Variants in PRKN observed in about 807,000 individuals in gnomAD.
PRKN encodes the protein E3 ubiquitin-protein ligase parkin.
In PRKN, 56 loss-of-function variants were observed where a neutral mutation model predicts 59.5. The ratio of observed to expected loss-of-function variants is 0.94; its 90% confidence interval spans 0.76 to 1.18. PRKN has a LOEUF of 1.18. Among genes scored for constraint, PRKN ranks in the 50% most tolerant of loss-of-function variants. The pLI, the probability that PRKN is intolerant of heterozygous loss-of-function variation, is 0.00. For synonymous variants in PRKN, 250 were observed against 222.1 expected (o/e 1.13, Z -1.12); for missense variants, 657 against 596.4 (o/e 1.10, Z -1.06).
chr6:162,163,044 G>C (rs1246407916), intron 4 of PRKN, among the ~76,000 whole-genome samples: 1 of 148,864 alleles, frequency 6.7e-6, no homozygotes, highest in Non-Finnish European at 1.5e-5. Context: ...ATTTCTCATA[G>C]GACTACAGTT....
intron 1 of PRKN, among the ~76,000 whole-genome samples, chr6:162,608,553 C>G (rs866596987): frequency 6.6e-6 from 1 of 152,066 alleles, no homozygotes; most frequent in Admixed American, 6.6e-5. Context: ...ATGACATAAA[C>G]CTCAAATGAT....
chr6:162,169,734 C>T (rs1410579538), intron 4 of PRKN, among the ~76,000 whole-genome samples: 7 of 152,184 alleles, frequency 4.6e-5, no homozygotes, highest in Non-Finnish European at 1.0e-4. Context: ...GTTAAAACTG[C>T]GTTACAGCTG....
chr6:162,375,932 C>T (rs1786047988), intron 2 of PRKN, among the ~76,000 whole-genome samples: 1 of 152,056 alleles, frequency 6.6e-6, no homozygotes. Flanking sequence ...CTGTCTGTGC[C>T]CTGTGCATCT....
At position 161,544,101 on chromosome 6, in the gene PRKN, A is replaced by G. The variant is rs1385712636; in HGVS notation, c.1083+4753T>C. Among the ~76,000 whole-genome samples the G allele has an allele frequency of 6.6e-6, 1 of 152,208 alleles. No individual in the cohort carries two copies. On this transcript the variant is annotated intron_variant, in intron 9 of 11. Transcript: ENST00000366898. The surrounding 1 kb of genome is among the most constrained non-coding windows in gnomAD (Gnocchi z 5.5). ...ATACATTCTCTGCTGCGTTCTATCT[A>G]TGTAAAAATATTCTGTGCTGAGTCA...
intron 4 of PRKN, among the ~76,000 whole-genome samples, chr6:162,092,121 G>A (rs1248410984): frequency 1.3e-5 from 2 of 152,140 alleles, no homozygotes; most frequent in African/African-American, 4.8e-5. Context: ...TTGGGAGGCA[G>A]AGGCGGGCAG....
At chr6:162,720,528 G>A (rs1485154308) in intron 1 of PRKN, among the ~76,000 whole-genome samples, 1 of 146,302 alleles carries the variant, frequency 6.8e-6, no homozygotes, top group African/African-American at 2.6e-5. Flanking sequence ...TCGGCTCACT[G>A]CAAGCTCCGC....
intron 7 of PRKN, among the ~76,000 whole-genome samples, chr6:161,716,673 A>G (rs918004015): frequency 2.3e-4 from 35 of 152,238 alleles, no homozygotes; most frequent in African/African-American, 8.0e-4. Flanking sequence ...TTGGGCAGAC[A>G]AGGCTTGAGA....
intron 1 of PRKN, among the ~76,000 whole-genome samples, chr6:162,726,944 A>T (rs1480094194): frequency 6.6e-6 from 1 of 152,170 alleles, no homozygotes; most frequent in Non-Finnish European, 1.5e-5. Flanking sequence ...GTGTTCATGA[A>T]CAACTCTGAT....
chr6:162,727,310 G>A (rs1249074873), intron 1 of PRKN: 3 of 369,950 alleles, frequency 8.1e-6, no homozygotes, highest in Admixed American at 4.9e-5. Context: ...GCGGCGGCGG[G>A]GCGAAGGTGA....
Position 161,988,978 on chromosome 6 carries a change from G to C in PRKN, c.619-15561C>G, listed in dbSNP as rs79155733. Among the ~76,000 whole-genome samples the C allele has an allele frequency of 7.3e-3, 1,112 of 152,130 alleles. 16 individuals are homozygous for C. Among genetic ancestry groups the C allele is most frequent in the African/African-American group, 0.025 (1,054 of 41,492 alleles). ...TTATACTTTAAGTTTTAGGGTACAA[G>C]CGCACAACGTGCAGGTTAGTTACAT... On this transcript the variant is annotated intron_variant, in intron 5 of 11. Coordinates refer to ENST00000366898, the MANE Select transcript of PRKN (RefSeq NM_004562.3).
intron 6 of PRKN, among the ~76,000 whole-genome samples, chr6:161,851,839 C>T (rs1196530970): frequency 6.6e-6 from 1 of 151,620 alleles, no homozygotes; most frequent in Non-Finnish European, 1.5e-5. Flanking sequence ...GTAATCCCAG[C>T]ACTTTTGGAG....
intron 2 of PRKN, among the ~76,000 whole-genome samples, chr6:162,270,551 T>G (rs552430951): frequency 6.6e-6 from 1 of 152,336 alleles, no homozygotes; most frequent in African/African-American, 2.4e-5. Context: ...CTTTCTAATG[T>G]GTAATAACTT....
intron 7 of PRKN, among the ~76,000 whole-genome samples, chr6:161,699,676 T>C (rs1385513903): frequency 2.0e-5 from 3 of 152,120 alleles, no homozygotes; most frequent in Non-Finnish European, 2.9e-5. Context: ...GTAATCTGCA[T>C]TGACAACAAG....
intron 7 of PRKN, among the ~76,000 whole-genome samples, chr6:161,761,576 A>G (rs1178527146): frequency 6.6e-6 from 1 of 152,248 alleles, no homozygotes; most frequent in Non-Finnish European, 1.5e-5. Flanking sequence ...ATAAAAATAC[A>G]GAACTGTAAG....
Position 161,475,316 on chromosome 6 carries a change from G to T in PRKN, c.1083+73538C>A, listed in dbSNP as rs1334867495. Among the ~76,000 whole-genome samples, 1 of 152,166 alleles carries T rather than the reference G, an allele frequency of 6.6e-6. No individual in the cohort carries two copies. The highest frequency in any genetic ancestry group is 1.9e-4 in the East Asian group (1 of 5,190). On this transcript the variant is annotated intron_variant, in intron 9 of 11. Transcript: ENST00000366898. The surrounding 1 kb of genome is among the most constrained non-coding windows in gnomAD (Gnocchi z 5.3). ...CACTGGTGACCCAGACATTCACGTTGCTTTCCAGTATTCCCATTTGCGATT... is the reference window on the plus strand; with the variant it reads ...CACTGGTGACCCAGACATTCACGTTTCTTTCCAGTATTCCCATTTGCGATT...
intron 7 of PRKN, among the ~76,000 whole-genome samples, chr6:161,716,536 G>C (rs955876722): frequency 2.6e-4 from 40 of 152,114 alleles, no homozygotes; most frequent in African/African-American, 9.4e-4. Flanking sequence ...TAAACGCTAT[G>C]TCTAAGCCCA....
intron 7 of PRKN, among the ~76,000 whole-genome samples, chr6:161,684,780 CTT>C (rs1785494250): frequency 6.8e-6 from 1 of 146,408 alleles, no homozygotes; most frequent in African/African-American, 2.7e-5. Flanking sequence ...ATAGAAAGTG[CTT>C]TTTTAAAAGG....
At chr6:162,480,502 CCTT>C (rs151266113) in intron 1 of PRKN, among the ~76,000 whole-genome samples, 22,019 of 152,076 alleles carry the variant, frequency 0.14, 1,780 homozygotes, top group Non-Finnish European at 0.17. Flanking sequence ...GAAAAAGACT[CCTT>C]CTTTGTGCCA....
chr6:162,081,726 T>A (rs1393074032), intron 4 of PRKN, among the ~76,000 whole-genome samples: 1 of 152,028 alleles, frequency 6.6e-6, no homozygotes, highest in Non-Finnish European at 1.5e-5. Flanking sequence ...AACAAGAGAG[T>A]CAGCCTGTTC....
Sources: allele counts gnomAD v4.1 joint callset (sites outside exome capture counted in the v4.1 genomes callset), GRCh38; gene constraint gnomAD v4.1.1; non-coding constraint Gnocchi (gnomAD v3.1); transcripts MANE v1.5; gene names NCBI Gene and HGNC (gene_info 2026-07-23, HGNC 2026-07-21).